Variants in TBATA observed in about 807,000 individuals in gnomAD.
TBATA encodes the protein thymus, brain and testes associated, also known as protein TBATA.
Under a neutral mutation model 38.7 loss-of-function variants are expected in TBATA, and 47 were observed. The observed-to-expected ratio is 1.21, with a 90% CI of 0.96 to 1.55. The LOEUF (loss-of-function observed/expected upper bound fraction) is 1.55. Among genes scored for constraint, TBATA ranks in the 40% most tolerant of loss-of-function variants. TBATA has a pLI of 0.00. For missense variants in TBATA, 436 were observed against 435.6 expected, an observed-to-expected ratio of 1.00 and a Z score of -0.01; for synonymous variants, 183 against 170.5, an observed-to-expected ratio of 1.07 and a Z score of -0.57.
Position 70,777,311 on chromosome 10 carries a change from G to C in TBATA, c.535C>G (p.Arg179Gly), listed in dbSNP as rs377736707. The C allele has an allele frequency of 6.2e-7, 1 of 1,613,474 alleles. No homozygotes were observed. The highest frequency in any genetic ancestry group is 1.1e-5 in the South Asian group (1 of 91,068). The part of the protein sequence containing the change: ...EQKEQKEEPL[R>G]EQGAKYSAET... Reference sequence around the variant, plus strand: ...GCTGAGTACTTTGCCCCCTGCTCCCGCAGAGGCTCCTCCTTCTGCTCCTTC... The same window carrying C: ...GCTGAGTACTTTGCCCCCTGCTCCCCCAGAGGCTCCTCCTTCTGCTCCTTC... Residue 179 changes from arginine (R) to glycine (G), a missense_variant, in exon 7 of 11, where the codon CGG becomes GGG. By Grantham distance (125) the Arg-to-Gly change is moderately radical (BLOSUM62 -2). Coordinates refer to ENST00000456372, the MANE Select transcript of TBATA (RefSeq NM_001318241.2).
At chr10:70,778,506 G>A (rs772383452) in intron 6 of TBATA, 51 bp downstream of exon 6, 30 of 1,557,220 alleles carry the variant, frequency 1.9e-5, no homozygotes, top group Middle Eastern at 1.7e-4. Flanking sequence ...CTTACACAGG[G>A]AAGGATCCGT....
intron 6 of TBATA, among the ~76,000 whole-genome samples, chr10:70,778,201 C>T (rs925486313): frequency 1.3e-5 from 2 of 152,028 alleles, no homozygotes; most frequent in African/African-American, 4.8e-5. Context: ...GCAAAGTCTG[C>T]CCCCCCTCAC....
chr10:70,776,599 G>C (rs2132869516), intron 7 of TBATA, among the ~76,000 whole-genome samples: 1 of 152,156 alleles, frequency 6.6e-6, no homozygotes, highest in East Asian at 1.9e-4. Flanking sequence ...CAGAATGCTG[G>C]GTCTACCTCT....
intron 9 of TBATA, among the ~76,000 whole-genome samples, chr10:70,773,465 G>GCCCCC (rs397695750): frequency 1.8e-4 from 27 of 150,318 alleles, no homozygotes; most frequent in Admixed American, 1.4e-3. Context: ...AAAAATACAG[G>GCCCCC]CCCCCCCGGC....
intron 3 of TBATA, chr10:70,782,460 A>G (rs61122379): frequency 0.052 from 66,648 of 1,292,262 alleles, 2,069 homozygotes; most frequent in African/African-American, 0.14. Context: ...TGGACAGCCC[A>G]GAGGCCAGCT....
chr10:70,783,608 G>C (rs1844533571), intron 2 of TBATA, 83 bp from the exon 3 acceptor site: 3 of 496,784 alleles, frequency 6.0e-6, no homozygotes, highest in Non-Finnish European at 1.1e-5. Flanking sequence ...CCAGATATAA[G>C]AGAAATTCTT....
At chr10:70,777,104 A>AC (rs1382895414) in intron 7 of TBATA, 49 bp downstream of exon 7, 1 of 1,581,400 alleles carries the variant, frequency 6.3e-7, no homozygotes, top group South Asian at 1.1e-5. Context: ...GGTTTGTAAG[A>AC]CCCCTAATGT....
At chr10:70,776,860 C>T (rs866172356) in intron 7 of TBATA, among the ~76,000 whole-genome samples, 1 of 152,318 alleles carries the variant, frequency 6.6e-6, no homozygotes, top group South Asian at 2.1e-4. Context: ...ACCATTGCAG[C>T]TCCCTTCACT....
intron 2 of TBATA, 131 bp downstream of exon 2, chr10:70,784,516 G>A (rs1385219279): frequency 6.6e-6 from 1 of 152,122 alleles, no homozygotes; most frequent in Non-Finnish European, 1.5e-5. Flanking sequence ...ATCTGCAAGG[G>A]ACCCCAGAGA....
At chr10:70,772,146 A>G in intron 10 of TBATA, 2 of 483,980 alleles carry the variant, frequency 4.1e-6, no homozygotes, top group Admixed American at 2.4e-5. Flanking sequence ...CAGCTCTAGG[A>G]GCCCTCTCCC....
At chr10:70,781,461 G>A (rs922102495) in intron 4 of TBATA, among the ~76,000 whole-genome samples, 17 of 152,342 alleles carry the variant, frequency 1.1e-4, no homozygotes, top group African/African-American at 3.6e-4. Flanking sequence ...ATCAATATTT[G>A]ATGGCTGGCT....
At chr10:70,774,421 G>A (rs888604055) in intron 8 of TBATA, 64 bp from the exon 9 acceptor site, 4 of 1,487,356 alleles carry the variant, frequency 2.7e-6, no homozygotes, top group Admixed American at 2.1e-5. Flanking sequence ...CTGTGGCGGG[G>A]CCAGAAGCAG....
chr10:70,779,737 T>C lies in TBATA; in HGVS notation c.283A>G (p.Thr95Ala), dbSNP rs1843903401. 1 of 1,536,528 alleles carries C rather than the reference T, an allele frequency of 6.5e-7. No individual in the cohort carries two copies. Among genetic ancestry groups the C allele is most frequent in the Non-Finnish European group, 8.7e-7 (1 of 1,150,916 alleles). Residue 95 changes from threonine to alanine, a missense_variant, in exon 5 of 11, where the codon ACC (threonine) becomes GCC (alanine). By Grantham distance (58) the Thr-to-Ala change is moderately conservative. Coordinates refer to ENST00000456372, the MANE Select transcript of TBATA (RefSeq NM_001318241.2). ...CTGACGACACAGACAGGCTTCCCGG[T>C]GAGATCTGCAAAGGGTTAGAGGCTG... is the stretch of plus-strand genomic sequence containing the variant. The part of the protein sequence containing the change: ...PQHVTHIQDL[T>A]GKPVCVVRDF...
At position 70,779,724 on chromosome 10, in the gene TBATA, A is replaced by C. The variant is rs755104786; in HGVS notation, c.296T>G (p.Val99Gly). Residue 99 changes from valine to glycine, a missense_variant, in exon 5 of 11, where the codon GTC (valine) becomes GGC (glycine). Coordinates refer to ENST00000456372, the MANE Select transcript of TBATA (RefSeq NM_001318241.2). ...THIQDLTGKPVCVVRDFPAPL... is the reference protein window; with the variant it reads ...THIQDLTGKPGCVVRDFPAPL... ...GGCTGGAAAATCCCTGACGACACAGACAGGCTTCCCGGTGAGATCTGCAAA... is the reference window on the plus strand; with the variant it reads ...GGCTGGAAAATCCCTGACGACACAGCCAGGCTTCCCGGTGAGATCTGCAAA... 13 of 1,536,502 alleles carry C rather than the reference A, an allele frequency of 8.5e-6. No homozygotes were observed. The highest frequency in any genetic ancestry group is 9.6e-6 in the Non-Finnish European group (11 of 1,151,020).
intron 3 of TBATA, chr10:70,782,628 G>A: frequency 1.0e-6 from 1 of 985,452 alleles, no homozygotes. Context: ...AGCTACTGGG[G>A]CTGTGGCGCT....
rs757879579 is a variant in TBATA at position 70,772,606 on chromosome 10, T to A, written c.921-40A>T. 8.1e-6 allele frequency: 13 copies of A among 1,611,210 alleles called. No individual in the cohort carries two copies. The South Asian group carries it at 1.2e-4, about 15-fold the overall frequency. ...AAAGAAGGGGCTGGGAAGGTCATGC[T>A]GGAAACCTGACCCCACGGGTGGCAG... On this transcript the variant is annotated intron_variant, in intron 9 of 10. Coordinates refer to ENST00000456372, the MANE Select transcript of TBATA (RefSeq NM_001318241.2).
chr10:70,774,468 C>A (rs188288543), intron 8 of TBATA, 111 bp from the exon 9 acceptor site: 188 of 1,063,338 alleles, frequency 1.8e-4, no homozygotes, highest in South Asian at 1.4e-4. Context: ...AAGCATCCCA[C>A]CTTCTGCCCT....
At chr10:70,778,822 G>A in intron 5 of TBATA, 186 bp from the exon 6 acceptor site, 1 of 687,460 alleles carries the variant, frequency 1.5e-6, no homozygotes, top group Non-Finnish European at 2.6e-6. Flanking sequence ...TGGTGGTTGT[G>A]GCAGTGGGTG....
chr10:70,774,412 T>C lies in TBATA; in HGVS notation c.776-55A>G, dbSNP rs1012174147. The C allele has an allele frequency of 8.6e-6, 13 of 1,514,914 alleles. No homozygotes were observed. The South Asian group carries it at 1.5e-4, about 17-fold the overall frequency. The allele number at this position is 1,514,914 out of a possible 1,614,324, so 93.8% of individuals were successfully genotyped here. The stretch of plus-strand genomic sequence containing the variant: ...CAGCCCCCAGCCCCCTTCCTGTCCC[T>C]GTGGCGGGGCCAGAAGCAGGGCCTC... On this transcript the variant is annotated intron_variant, in intron 8 of 10. Coordinates refer to ENST00000456372, the MANE Select transcript of TBATA (RefSeq NM_001318241.2).
Sources: gnomAD v4.1 joint callset for allele counts (sites outside exome capture counted in the v4.1 genomes callset) on GRCh38, gnomAD v4.1.1 for gene constraint, MANE v1.5 for transcripts, NCBI Gene and HGNC (gene_info 2026-07-23, HGNC 2026-07-21) for gene names.